Variants in CPLX3 observed in about 807,000 individuals in gnomAD.
CPLX3 encodes the protein complexin 3.
In CPLX3, 12 loss-of-function variants were observed where a neutral mutation model predicts 17.2. The observed-to-expected ratio is 0.70, with a 90% CI of 0.45 to 1.13. The LOEUF is 1.13. Ranked by LOEUF, CPLX3 falls within the 50% of genes most tolerant of loss-of-function variation. CPLX3 has a pLI of 0.00. For synonymous variants in CPLX3, 75 were observed against 79.4 expected (o/e 0.94, Z 0.29); for missense variants, 172 against 203.2 (o/e 0.85, Z 0.93).
chr15:74,827,904 G>C, intron 1 of CPLX3, 130 bp from the exon 2 acceptor site: 1 of 706,138 alleles, frequency 1.4e-6, no homozygotes, highest in Admixed American at 2.4e-5. Flanking sequence ...CCGGGTTGGA[G>C]CGCTTTTGCT....
At chr15:74,829,800 C>T (rs114401315) in intron 2 of CPLX3, among the ~76,000 whole-genome samples, 2,192 of 152,206 alleles carry the variant, frequency 0.014, 58 homozygotes, top group African/African-American at 0.05. Context: ...GTCTCCATGT[C>T]CAGGCATCAA....
chr15:74,830,078 G>A (rs1332744405), intron 2 of CPLX3, 52 bp from the exon 3 acceptor site: 2 of 1,418,038 alleles, frequency 1.4e-6, no homozygotes, highest in African/African-American at 2.8e-5. Context: ...TCAACTCTGG[G>A]TCCTCACAGA....
Position 74,826,702 on chromosome 15 carries a change from C to T in CPLX3, c.-2C>T, listed in dbSNP as rs2063944501. ...CGCCCGGTGCCCCGGCCGGCGAAGACCATGGCGTTCATGGTGAAGACCATG... is the reference window on the plus strand; with the variant it reads ...CGCCCGGTGCCCCGGCCGGCGAAGATCATGGCGTTCATGGTGAAGACCATG... On this transcript the variant is annotated 5_prime_UTR_variant, in exon 1 of 3. Transcript: ENST00000395018. This position sits in a 1 kb window ranked among gnomAD's most constrained non-coding sequence, Gnocchi z 5.0. 4 of 1,607,108 alleles carry T rather than the reference C, an allele frequency of 2.5e-6. No individual in the cohort carries two copies. The highest frequency in any genetic ancestry group is 2.7e-5 in the African/African-American group (2 of 74,122).
chr15:74,829,997 A>T, intron 2 of CPLX3, 133 bp from the exon 3 acceptor site: 1 of 653,206 alleles, frequency 1.5e-6, no homozygotes. Context: ...CCTCGTCTCT[A>T]CAAAAAAAAA....
At chr15:74,830,007 A>G (rs575463368) in intron 2 of CPLX3, 123 bp from the exon 3 acceptor site, 49 of 727,324 alleles carry the variant, frequency 6.7e-5, no homozygotes, top group Admixed American at 5.0e-4. Flanking sequence ...ACAAAAAAAA[A>G]AAAAAAGAAA....
At chr15:74,830,006 A>G (rs1359610953) in intron 2 of CPLX3, 124 bp from the exon 3 acceptor site, 3 of 721,836 alleles carry the variant, frequency 4.2e-6, no homozygotes, top group Admixed American at 2.9e-5. Flanking sequence ...TACAAAAAAA[A>G]AAAAAAAGAA....
chr15:74,830,335 A>G lies in CPLX3; in HGVS notation c.458A>G (p.Glu153Gly), dbSNP rs1219877546. The G allele has an allele frequency of 6.2e-7, 1 of 1,613,464 alleles. No individual in the cohort carries two copies. The highest frequency in any genetic ancestry group is 1.1e-5 in the South Asian group (1 of 91,016). ...CTGGGGGATCTCAAGCAATCAGCTGAGAAGTGTCACGTCATGTGACCACTT... is the reference window on the plus strand; with the variant it reads ...CTGGGGGATCTCAAGCAATCAGCTGGGAAGTGTCACGTCATGTGACCACTT... ...ATLGDLKQSA[E>G]KCHVM is the part of the protein sequence containing the mutation. Residue 153 changes from glutamate (E) to glycine (G), a missense_variant, in exon 3 of 3, where the codon GAG (glutamate) becomes GGG (glycine). Coordinates refer to ENST00000395018, the MANE Select transcript of CPLX3 (RefSeq NM_001030005.3).
intron 2 of CPLX3, 125 bp downstream of exon 2, chr15:74,828,246 C>T (rs1417320703): frequency 2.7e-6 from 2 of 730,938 alleles, no homozygotes; most frequent in African/African-American, 3.5e-5. Context: ...TTAGATCCTT[C>T]CTTCTCATTC....
chr15:74,827,763 G>C (rs1453530725), intron 1 of CPLX3, among the ~76,000 whole-genome samples: 1 of 152,224 alleles, frequency 6.6e-6, no homozygotes, highest in Non-Finnish European at 1.5e-5. Context: ...CAAGTTGGAG[G>C]CCATGAGGGA....
intron 2 of CPLX3, 79 bp downstream of exon 2, chr15:74,828,200 C>T: frequency 9.1e-7 from 1 of 1,094,120 alleles, no homozygotes; most frequent in Non-Finnish European, 1.4e-6. Context: ...TTCTGGGCAC[C>T]ACAGCCCTCA....
At chr15:74,827,330 G>C (rs12443172) in intron 1 of CPLX3, among the ~76,000 whole-genome samples, 9,711 of 152,294 alleles carry the variant, frequency 0.064, 628 homozygotes, top group South Asian at 0.35. Flanking sequence ...TGCTGGGACA[G>C]AGTTTGGGGC....
Position 74,830,408 on chromosome 15 carries a change from G to A in CPLX3, c.*54G>A, listed in dbSNP as rs2063963845. ...GGGCCCCCATGAGGGCTAAGAGTGT[G>A]TCAACTTCCAGGGACCCATACTCCA... On this transcript the variant is annotated 3_prime_UTR_variant, in exon 3 of 3. Transcript: ENST00000395018. 1.4e-6 allele frequency: 2 copies of A among 1,450,846 alleles called. No homozygotes were observed. Among genetic ancestry groups the A allele is most frequent in the Non-Finnish European group, 1.9e-6 (2 of 1,052,446 alleles). 89.9% of individuals were successfully genotyped at this position (1,450,846 alleles called of 1,614,324 possible).
Position 74,826,636 on chromosome 15 carries a change from G to A in CPLX3, c.-68G>A. 1 of 1,524,128 alleles carries A rather than the reference G, an allele frequency of 6.6e-7. No individual in the cohort carries two copies. The highest frequency in any genetic ancestry group is 8.8e-7 in the Non-Finnish European group (1 of 1,133,004). 94.4% of individuals were successfully genotyped at this position (1,524,128 alleles called of 1,614,324 possible). A position where few individuals can be genotyped will look rare whatever the true frequency, so the allele number is the denominator to read the frequency against. ...GCTGTCCGCGAAACCTAGTGCTGAA[G>A]TAGGCGCGGACGTGCCCGGTGCCTG... On this transcript the variant is annotated 5_prime_UTR_variant, in exon 1 of 3. Coordinates refer to ENST00000395018, the MANE Select transcript of CPLX3 (RefSeq NM_001030005.3). The surrounding 1 kb of genome is among the most constrained non-coding windows in gnomAD (Gnocchi z 5.0).
At chr15:74,827,916 C>A in intron 1 of CPLX3, 118 bp from the exon 2 acceptor site, 1 of 801,094 alleles carries the variant, frequency 1.2e-6, no homozygotes, top group Non-Finnish European at 2.1e-6. Flanking sequence ...GCTTTTGCTA[C>A]ACACAGGGAC....
At chr15:74,828,005 TG>T in intron 1 of CPLX3, 28 bp from the exon 2 acceptor site, 10 of 1,571,834 alleles carry the variant, frequency 6.4e-6, no homozygotes, top group Non-Finnish European at 8.7e-6. Context: ...TCAGCCCTCG[TG>T]GTGACTCTGC....
At chr15:74,828,606 C>T (rs1411271482) in intron 2 of CPLX3, among the ~76,000 whole-genome samples, 1 of 152,176 alleles carries the variant, frequency 6.6e-6, no homozygotes, top group Admixed American at 6.5e-5. Context: ...AATAATGCTG[C>T]CAGGCAGCTA....
In CPLX3 at chr15:74,826,783, G is replaced by C; in HGVS notation, c.80G>C (p.Gly27Ala). Residue 27 changes from glycine to alanine, a missense_variant, in exon 1 of 3, where the codon GGA becomes GCA. Gly to Ala is a moderately conservative substitution (Grantham distance 60). Coordinates refer to ENST00000395018, the MANE Select transcript of CPLX3 (RefSeq NM_001030005.3). The surrounding 1 kb of genome is among the most constrained non-coding windows in gnomAD (Gnocchi z 5.0). ...TGSLGGGEDK[G>A]DGDKSAAEAQ... Reference sequence around the variant, plus strand: ...AGCCTGGGAGGCGGCGAGGATAAGGGAGATGGGGACAAGTCGGCAGCCGAA... The same window carrying C: ...AGCCTGGGAGGCGGCGAGGATAAGGCAGATGGGGACAAGTCGGCAGCCGAA... The C allele has an allele frequency of 6.2e-6, 10 of 1,607,710 alleles. No homozygotes were observed. Among genetic ancestry groups the C allele is most frequent in the Non-Finnish European group, 8.5e-6 (10 of 1,176,972 alleles).
At chr15:74,828,786 T>C (rs2063955082) in intron 2 of CPLX3, among the ~76,000 whole-genome samples, 1 of 152,018 alleles carries the variant, frequency 6.6e-6, no homozygotes, top group South Asian at 2.1e-4. Context: ...AGTCTGCCCG[T>C]AGAGAGCCAA....
intron 2 of CPLX3, among the ~76,000 whole-genome samples, chr15:74,828,889 G>T (rs1440162886): frequency 6.6e-6 from 1 of 152,148 alleles, no homozygotes; most frequent in African/African-American, 2.4e-5. Context: ...AGATGGGCGT[G>T]TAAGTGTGCT....
Sources: gnomAD v4.1 joint callset for allele counts (sites outside exome capture counted in the v4.1 genomes callset) on GRCh38, gnomAD v4.1.1 for gene constraint, Gnocchi (gnomAD v3.1) non-coding constraint, MANE v1.5 for transcripts, NCBI Gene and HGNC (gene_info 2026-07-23, HGNC 2026-07-21) for gene names.